AHCY: variants seen among roughly 807,000 people sequenced by gnomAD.
The protein encoded by AHCY is S-adenosyl-L-homocysteine hydrolase.
Under a neutral mutation model 45.4 loss-of-function variants are expected in AHCY, and 24 were observed. That is an observed-to-expected ratio of 0.53 (90% CI 0.38 to 0.74). The LOEUF (loss-of-function observed/expected upper bound fraction) is 0.74, where lower values mean the gene tolerates loss of function less well. Among genes scored for constraint, AHCY ranks in the 30% least tolerant of loss-of-function variants. AHCY has a pLI of 0.00. For missense variants in AHCY, 449 were observed against 594.1 expected, an observed-to-expected ratio of 0.76 and a Z score of 2.54; for synonymous variants, 245 against 235.1, an observed-to-expected ratio of 1.04 and a Z score of -0.39.
At chr20:34,271,295 C>A in the AHCY span, among the ~76,000 whole-genome samples, 1 of 152,258 alleles carries the variant, frequency 6.6e-6, no homozygotes, top group African/African-American at 2.4e-5. Context: ...GAGCATGGTC[C>A]TGGGCCTCTC....
chr20:34,245,473 C>T, the AHCY span, among the ~76,000 whole-genome samples: 5 of 151,302 alleles, frequency 3.3e-5, no homozygotes, highest in East Asian at 2.0e-4. Context: ...CTGCAACCTC[C>T]GCCTCCCAGG....
chr20:34,269,171 C>T, the AHCY span: 2 of 1,505,202 alleles, frequency 1.3e-6, no homozygotes, highest in Admixed American at 2.2e-5. Context: ...CTGCTGAGCG[C>T]CCCCACTCCC....
the AHCY span, among the ~76,000 whole-genome samples, chr20:34,268,708 T>G: frequency 6.6e-6 from 1 of 150,830 alleles, no homozygotes; most frequent in South Asian, 2.1e-4. Flanking sequence ...CAGTCCAGCC[T>G]GGCTGACAGA....
At chr20:34,287,725 G>C (rs1241985998) in intron 8 of AHCY, among the ~76,000 whole-genome samples, 2 of 152,112 alleles carry the variant, frequency 1.3e-5, no homozygotes, top group Non-Finnish European at 2.9e-5. Context: ...CTGAGAAGAT[G>C]AACAAGGAGA....
chr20:34,309,328 C>T (rs2036925787), intron 1 of AHCY, among the ~76,000 whole-genome samples: 1 of 152,204 alleles, frequency 6.6e-6, no homozygotes, highest in Admixed American at 6.5e-5. Flanking sequence ...CATACATACA[C>T]ACTTCGGAGT....
chr20:34,303,448 G>A (rs1056711027), upstream of AHCY: 10 of 894,536 alleles, frequency 1.1e-5, no homozygotes, highest in African/African-American at 1.2e-4. Flanking sequence ...GGGCGGAGCC[G>A]GAGGGGATTT....
At chr20:34,257,926 T>C in the AHCY span, among the ~76,000 whole-genome samples, 1 of 152,284 alleles carries the variant, frequency 6.6e-6, no homozygotes, top group African/African-American at 2.4e-5. Context: ...GGCAGATCAC[T>C]TGAGGTCAGG....
the AHCY span, chr20:34,269,275 G>A: frequency 1.5e-6 from 2 of 1,347,500 alleles, no homozygotes; most frequent in East Asian, 2.7e-5. Flanking sequence ...GCGGGCGGAG[G>A]TTCCAGGAGA....
the AHCY span, among the ~76,000 whole-genome samples, chr20:34,258,741 T>C: frequency 1.2e-5 from 1 of 84,466 alleles, no homozygotes; most frequent in African/African-American, 5.1e-5. Flanking sequence ...ATAGTATATA[T>C]ATACTATATA....
At chr20:34,273,568 C>A in the AHCY span, among the ~76,000 whole-genome samples, 1 of 152,158 alleles carries the variant, frequency 6.6e-6, no homozygotes, top group East Asian at 1.9e-4. Flanking sequence ...CTAACATCAC[C>A]AGCCATTGTT....
At chr20:34,310,252 G>A (rs2036934557) in intron 1 of AHCY, among the ~76,000 whole-genome samples, 1 of 152,050 alleles carries the variant, frequency 6.6e-6, no homozygotes, top group Non-Finnish European at 1.5e-5. Context: ...ATAGAGATGG[G>A]GTTTCACTAT....
At chr20:34,262,898 G>A in the AHCY span, 1 of 1,613,936 alleles carries the variant, frequency 6.2e-7, no homozygotes, top group Non-Finnish European at 8.5e-7. Flanking sequence ...TCTAAGGTAA[G>A]GGCAGGGAAG....
chr20:34,246,140 G>A, the AHCY span: 1 of 967,390 alleles, frequency 1.0e-6, no homozygotes. Context: ...TTCAAAAGTT[G>A]CAAGGCCACA....
chr20:34,288,982 G>T (rs1356176364), intron 8 of AHCY, among the ~76,000 whole-genome samples: 1 of 152,118 alleles, frequency 6.6e-6, no homozygotes, highest in Non-Finnish European at 1.5e-5. Flanking sequence ...AGTGATTCAA[G>T]CTGTGTCCCT....
At chr20:34,286,452 A>G (rs2036188769) in intron 8 of AHCY, 1 of 152,266 alleles carries the variant, frequency 6.6e-6, no homozygotes, top group Non-Finnish European at 1.5e-5. Context: ...CATGTTCTCA[A>G]TAACCATGAA....
At chr20:34,255,590 A>G in the AHCY span, among the ~76,000 whole-genome samples, 22 of 152,382 alleles carry the variant, frequency 1.4e-4, no homozygotes, top group Admixed American at 3.9e-4. Context: ...TATGAATATC[A>G]TTAATCATTA....
Position 34,290,220 on chromosome 20 carries a change from T to C in AHCY, c.972+112A>G. 1 of 1,052,876 alleles carries C rather than the reference T, an allele frequency of 9.5e-7. No individual in the cohort carries two copies. Among genetic ancestry groups the C allele is most frequent in the South Asian group, 1.2e-5 (1 of 80,062 alleles). 65.2% of individuals were successfully genotyped at this position (1,052,876 alleles called of 1,614,324 possible). ...CTGGCTCTGATGCTAGGCCCTCTTC[T>C]CCCCATCCCCCTGCACAGGTTGCCA... On this transcript the variant is annotated intron_variant, in intron 8 of 9. Coordinates refer to ENST00000217426, the MANE Select transcript of AHCY (RefSeq NM_000687.4). This position sits in a 1 kb window ranked among gnomAD's most constrained non-coding sequence, Gnocchi z 4.5.
At chr20:34,269,946 TAAAAAAAAAAAAAAAAAA>T in the AHCY span, among the ~76,000 whole-genome samples, 6 of 59,236 alleles carry the variant, frequency 1.0e-4, no homozygotes, top group African/African-American at 2.7e-4. Context: ...AACTCTGTCT[TAAAAAAAAAAAAAAAAAA>T]AAAAAAAAAA....
chr20:34,235,895 AAGGAAAGG>A, the AHCY span, among the ~76,000 whole-genome samples: 1,051 of 80,574 alleles, frequency 0.013, 91 homozygotes, highest in African/African-American at 0.033. Context: ...GGAAGGAAGG[AAGGAAAGG>A]AAGGAAGGAA....
Sources: allele counts gnomAD v4.1 joint callset (sites outside exome capture counted in the v4.1 genomes callset), GRCh38; gene constraint gnomAD v4.1.1; non-coding constraint Gnocchi (gnomAD v3.1); transcripts MANE v1.5; gene names NCBI Gene and HGNC (gene_info 2026-07-23, HGNC 2026-07-21).